Variants in JMJD1C observed in about 807,000 individuals in gnomAD.
The protein encoded by JMJD1C is jumonji domain-containing protein 1C.
JMJD1C carries 31 observed loss-of-function variants against 245.3 expected under a neutral mutation model. The observed-to-expected ratio is 0.13, with a 90% CI of 0.09 to 0.17. The LOEUF is 0.17. Among genes scored for constraint, JMJD1C ranks in the 10% least tolerant of loss-of-function variants. JMJD1C has a pLI of 1.00. For synonymous variants in JMJD1C, 1,057 were observed against 1,017.4 expected (o/e 1.04, Z -0.74); for missense variants, 2,691 against 3,000.2 (o/e 0.90, Z 2.41).
At chr10:63,303,886 A>G (rs563831164) in intron 2 of JMJD1C, among the ~76,000 whole-genome samples, 2 of 152,322 alleles carry the variant, frequency 1.3e-5, no homozygotes, top group Admixed American at 6.5e-5. Context: ...TTTATCATTA[A>G]TATTTCCAGA....
At position 63,209,094 on chromosome 10, in the gene JMJD1C, A is replaced by T. The variant is rs774670652; in HGVS notation, c.2836T>A (p.Leu946Met). The change falls in exon 9 of 26, where the codon TTG becomes ATG. Residue 946 changes from leucine to methionine, a missense_variant. Physicochemically the swap from Leu to Met is conservative, Grantham distance 15. Transcript: ENST00000399262. Reference protein sequence around the residue: ...LKITAHSSPPLTKTLVDHHKE... With the variant: ...LKITAHSSPPMTKTLVDHHKE... ...TGATGATCTACTAAAGTTTTTGTCA[A>T]TGGTGGACTGGAATGGGCTGTAATT... 1.2e-6 allele frequency: 2 copies of T among 1,613,694 alleles called. No individual in the cohort carries two copies. The highest frequency in any genetic ancestry group is 4.5e-5 in the East Asian group (2 of 44,874).
chr10:63,333,532 C>CA (rs201343348), intron 2 of JMJD1C, among the ~76,000 whole-genome samples: 5 of 150,654 alleles, frequency 3.3e-5, no homozygotes, highest in Non-Finnish European at 7.4e-5. Flanking sequence ...GACCCTATCT[C>CA]AAAAAAAAGA....
At chr10:63,272,368 C>T (rs2133837431) in intron 2 of JMJD1C, among the ~76,000 whole-genome samples, 1 of 152,232 alleles carries the variant, frequency 6.6e-6, no homozygotes, top group East Asian at 1.9e-4. Flanking sequence ...TCTCCTGCCT[C>T]AGCCTCCCAA....
Position 63,207,263 on chromosome 10 carries a change from G to A in JMJD1C, c.4406C>T (p.Pro1469Leu). The A allele has an allele frequency of 1.2e-6, 2 of 1,613,926 alleles. No individual in the cohort carries two copies. The highest frequency in any genetic ancestry group is 1.7e-6 in the Non-Finnish European group (2 of 1,180,014). ...ASSKTGSVVQ[P>L]SSGFSGTTDF... ...AGTTGTGCCTGAGAACCCAGAACTG[G>A]GTTGAACAACACTTCCTGTCTTACT... The change falls in exon 10 of 26, where the codon CCC becomes CTC. Residue 1469 changes from proline (P) to leucine (L), a missense_variant. Coordinates refer to ENST00000399262, the MANE Select transcript of JMJD1C (RefSeq NM_032776.3).
intron 1 of JMJD1C, among the ~76,000 whole-genome samples, chr10:63,456,057 C>T (rs1468983491): frequency 2.0e-5 from 3 of 151,928 alleles, no homozygotes; most frequent in South Asian, 2.1e-4. Flanking sequence ...TTGTATAGTT[C>T]AAAACCGTTA....
intron 3 of JMJD1C, among the ~76,000 whole-genome samples, chr10:63,228,652 T>C (rs1019492086): frequency 2.0e-5 from 3 of 152,182 alleles, no homozygotes; most frequent in African/African-American, 7.2e-5. Context: ...AACTTCTACA[T>C]CAATGTATCA....
intron 1 of JMJD1C, among the ~76,000 whole-genome samples, chr10:63,451,263 A>G (rs1266002800): frequency 6.6e-6 from 1 of 152,198 alleles, no homozygotes; most frequent in Admixed American, 6.5e-5. Context: ...TTTTCTACAG[A>G]AATAGAAAAA....
chr10:63,232,490 C>G (rs1850147167), intron 3 of JMJD1C, among the ~76,000 whole-genome samples: 1 of 152,054 alleles, frequency 6.6e-6, no homozygotes, highest in African/African-American at 2.4e-5. Context: ...TAGCTAAAAC[C>G]TGCAGCTTGA....
chr10:63,490,400 T>A (rs1954129537), intron 1 of JMJD1C, among the ~76,000 whole-genome samples: 1 of 150,200 alleles, frequency 6.7e-6, no homozygotes, highest in Non-Finnish European at 1.5e-5. Flanking sequence ...CTTAGCACAA[T>A]CTATAATTAT....
chr10:63,505,450 CA>C (rs1276950970), intron 1 of JMJD1C, among the ~76,000 whole-genome samples: 1 of 151,752 alleles, frequency 6.6e-6, no homozygotes, highest in Non-Finnish European at 1.5e-5. Context: ...ATTGAAAATT[CA>C]AGATTTTAGA....
At chr10:63,346,472 T>C (rs1264773441) in intron 2 of JMJD1C, among the ~76,000 whole-genome samples, 2 of 152,200 alleles carry the variant, frequency 1.3e-5, no homozygotes, top group African/African-American at 4.8e-5. Flanking sequence ...TATGCTTCTG[T>C]AACAATAGCT....
At chr10:63,447,529 C>T (rs575260955) in intron 1 of JMJD1C, among the ~76,000 whole-genome samples, 1 of 152,292 alleles carries the variant, frequency 6.6e-6, no homozygotes, top group Non-Finnish European at 1.5e-5. Flanking sequence ...GTCAAAATTT[C>T]ACTAAGCTTA....
chr10:63,282,438 C>G (rs933680048), intron 2 of JMJD1C, among the ~76,000 whole-genome samples: 1 of 151,990 alleles, frequency 6.6e-6, no homozygotes, highest in East Asian at 1.9e-4. Context: ...TAACTTATGC[C>G]GATATTTTGA....
intron 2 of JMJD1C, among the ~76,000 whole-genome samples, chr10:63,285,631 G>A (rs371321514): frequency 5.3e-4 from 81 of 152,214 alleles, no homozygotes; most frequent in African/African-American, 1.9e-3. Context: ...AACCTGGGGA[G>A]ATCCCATTTC....
chr10:63,278,370 A>AATG (rs1289460742), intron 2 of JMJD1C, among the ~76,000 whole-genome samples: 1 of 150,372 alleles, frequency 6.7e-6, no homozygotes, highest in African/African-American at 2.4e-5. Context: ...TAATAATAAT[A>AATG]ATAAAATTAG....
At chr10:63,343,758 C>A (rs1252010724) in intron 2 of JMJD1C, among the ~76,000 whole-genome samples, 1 of 152,100 alleles carries the variant, frequency 6.6e-6, no homozygotes, top group Non-Finnish European at 1.5e-5. Flanking sequence ...ATTTAGTGGG[C>A]CAGGCGTAAT....
In JMJD1C at chr10:63,206,597, T is replaced by C. The variant is rs1483008499; in HGVS notation, c.5072A>G (p.Asn1691Ser). 4 of 1,583,550 alleles carry C rather than the reference T, an allele frequency of 2.5e-6. No individual in the cohort carries two copies. Among genetic ancestry groups the C allele is most frequent in the Non-Finnish European group, 3.4e-6 (4 of 1,168,064 alleles). Reference sequence around the variant, plus strand: ...ATAAAACAAAGTAACTGACTTACTATTACTGTTGCTTTGCAACTTCAGTTT... The same window carrying C: ...ATAAAACAAAGTAACTGACTTACTACTACTGTTGCTTTGCAACTTCAGTTT... ...RSKLKLQSNSNTGIPRSVLKD... is the reference protein window; with the variant it reads ...RSKLKLQSNSSTGIPRSVLKD... Residue 1691 changes from asparagine (N) to serine (S), a missense_variant and splice_region_variant, in exon 10 of 26, where the codon AAT becomes AGT. Asn to Ser is a conservative substitution (Grantham distance 46, BLOSUM62 1). Around this residue, in one of 9 missense-constraint regions of JMJD1C, gnomAD observed 144 missense variants for 143.3 expected, o/e 1.00. Coordinates refer to ENST00000399262, the MANE Select transcript of JMJD1C (RefSeq NM_032776.3).
rs1955232940 is a variant in JMJD1C, at chr10:63,521,404, C to T, written n.113+334G>A. On this transcript the variant is annotated intron_variant and non_coding_transcript_variant, in intron 1 of 3. Transcript: ENST00000633035. The stretch of plus-strand genomic sequence containing the variant: ...CGCAGCCCAGGCCGCCGCGCGCACA[C>T]ACCGGGCCCGGCTCCTGAGGGCGCC... 1.4e-5 allele frequency: 3 copies of T among 216,534 alleles called. No homozygotes were observed. In the South Asian group the frequency reaches 4.7e-4, roughly 34 times the overall value. The allele number at this position is 216,534 out of a possible 1,614,324, so 13.4% of individuals were successfully genotyped here.
At chr10:63,274,319 C>G (rs956696406) in intron 2 of JMJD1C, among the ~76,000 whole-genome samples, 5 of 152,194 alleles carry the variant, frequency 3.3e-5, no homozygotes, top group African/African-American at 9.6e-5. Flanking sequence ...AATCCCAGCA[C>G]TCTGGGAGGC....
Sources: allele counts gnomAD v4.1 joint callset (sites outside exome capture counted in the v4.1 genomes callset), GRCh38; gene constraint gnomAD v4.1.1; regional missense constraint gnomAD v4.1.1; transcripts MANE v1.5; gene names NCBI Gene and HGNC (gene_info 2026-07-23, HGNC 2026-07-21).